PDE9A: variants seen among roughly 807,000 people sequenced by gnomAD.
The protein encoded by PDE9A is phosphodiesterase 9A.
In PDE9A, 60 loss-of-function variants were observed where a neutral mutation model predicts 87.4. The ratio of observed to expected loss-of-function variants is 0.69; its 90% CI spans 0.56 to 0.85. The LOEUF (loss-of-function observed/expected upper bound fraction) is 0.85, where lower values mean the gene tolerates loss of function less well. PDE9A is among the 40% of genes least tolerant of loss of function. PDE9A has a pLI of 0.00. For synonymous variants in PDE9A, 272 were observed against 279.4 expected (o/e 0.97, Z 0.27); for missense variants, 665 against 779.0 (o/e 0.85, Z 1.74).
At chr21:42,735,982 G>A (rs2052367348) in intron 7 of PDE9A, among the ~76,000 whole-genome samples, 2 of 152,134 alleles carry the variant, frequency 1.3e-5, no homozygotes, top group Admixed American at 1.3e-4. Context: ...AAAAAGGCTT[G>A]CTGCAGAGTC....
chr21:42,745,549 G>A (rs923466679), intron 8 of PDE9A, among the ~76,000 whole-genome samples: 2 of 152,250 alleles, frequency 1.3e-5, no homozygotes, highest in Non-Finnish European at 1.5e-5. Context: ...GGGTCCCAAG[G>A]CTGGGACCTG....
chr21:42,677,928 C>G (rs537934252), intron 1 of PDE9A, among the ~76,000 whole-genome samples: 2 of 152,332 alleles, frequency 1.3e-5, no homozygotes, highest in Non-Finnish European at 2.9e-5. Context: ...CAGGCGTGAG[C>G]CACTGAGCCC....
intron 1 of PDE9A, among the ~76,000 whole-genome samples, chr21:42,673,772 G>A (rs1004676963): frequency 1.3e-5 from 2 of 152,170 alleles, no homozygotes; most frequent in Non-Finnish European, 2.9e-5. Flanking sequence ...CCTCCTCGCT[G>A]TGTGAGGAGG....
chr21:42,760,794 G>T lies in PDE9A; in HGVS notation c.1003-31G>T. 3.9e-6 allele frequency: 5 copies of T among 1,287,548 alleles called. No individual in the cohort carries two copies. Among genetic ancestry groups the T allele is most frequent in the Non-Finnish European group, 5.7e-6 (5 of 883,670 alleles). 79.8% of individuals were successfully genotyped at this position (1,287,548 alleles called of 1,614,324 possible). On this transcript the variant is annotated intron_variant, in intron 12 of 19. Transcript: ENST00000291539. This position sits in a 1 kb window ranked among gnomAD's most constrained non-coding sequence, Gnocchi z 5.2. Reference sequence around the variant, plus strand: ...CCATCCCACCCTCCGAGTGAAGAGAGCAAACACCTACGCCCTGTTTTCCAA... The same window carrying T: ...CCATCCCACCCTCCGAGTGAAGAGATCAAACACCTACGCCCTGTTTTCCAA...
intron 1 of PDE9A, among the ~76,000 whole-genome samples, chr21:42,679,552 G>A (rs3819897): frequency 5.9e-5 from 9 of 151,846 alleles, no homozygotes; most frequent in Non-Finnish European, 1.3e-4. Flanking sequence ...GAGCTGCTGC[G>A]CCGGCCTGAG....
chr21:42,715,580 G>T (rs1239445326), intron 4 of PDE9A, among the ~76,000 whole-genome samples: 2 of 151,568 alleles, frequency 1.3e-5, no homozygotes, highest in Non-Finnish European at 2.9e-5. Flanking sequence ...TTGCATCACT[G>T]CACTCCAGCC....
intron 1 of PDE9A, among the ~76,000 whole-genome samples, chr21:42,685,198 G>A (rs1043949871): frequency 1.3e-5 from 2 of 152,210 alleles, no homozygotes; most frequent in Non-Finnish European, 2.9e-5. Context: ...CACCCTCACC[G>A]AGCTCGAAAT....
In PDE9A at chr21:42,759,539, TGTGA is replaced by T. The variant is rs1321829972; in HGVS notation, c.897+458_897+461del. On this transcript the variant is annotated intron_variant, in intron 11 of 19. Transcript: ENST00000291539. The surrounding 1 kb of genome is among the most constrained non-coding windows in gnomAD (Gnocchi z 7.2). ...GTAAATGTGTGGGAGCGTGTGTGTGTGTGAGTGTGGGGTGTGGGTGTGAGCATGG... is the reference window on the plus strand; with the variant it reads ...GTAAATGTGTGGGAGCGTGTGTGTGTGTGTGGGGTGTGGGTGTGAGCATGG... 6.6e-6 allele frequency among the ~76,000 whole-genome samples: 1 copy of T among 150,680 alleles called. No homozygotes were observed. The highest frequency in any genetic ancestry group is 2.0e-4 in the East Asian group (1 of 5,004).
chr21:42,770,561 C>T, intron 17 of PDE9A, 142 bp from the exon 18 acceptor site: 2 of 636,246 alleles, frequency 3.1e-6, no homozygotes, highest in Non-Finnish European at 5.7e-6. Flanking sequence ...TGGGTGGAGG[C>T]AGCAGAGCCG....
At chr21:42,654,919 G>A (rs2056933934) in intron 1 of PDE9A, among the ~76,000 whole-genome samples, 1 of 152,008 alleles carries the variant, frequency 6.6e-6, no homozygotes, top group South Asian at 2.1e-4. Flanking sequence ...AGGACAGGTG[G>A]TCACCCCCTT....
chr21:42,742,083 C>G (rs2053335305), intron 7 of PDE9A, among the ~76,000 whole-genome samples: 1 of 152,162 alleles, frequency 6.6e-6, no homozygotes, highest in Non-Finnish European at 1.5e-5. Context: ...GTGCAGTCAG[C>G]CAAGGGTAAA....
At chr21:42,663,374 C>A (rs1243783420) in intron 1 of PDE9A, among the ~76,000 whole-genome samples, 2 of 152,196 alleles carry the variant, frequency 1.3e-5, no homozygotes, top group Non-Finnish European at 2.9e-5. Context: ...ACAGAGAAGT[C>A]AGCAGAGCCC....
rs1191389050 is a variant in PDE9A, at chr21:42,705,141, G to A, written c.262+6130G>A. Among the ~76,000 whole-genome samples, 2 of 152,172 alleles carry A rather than the reference G, an allele frequency of 1.3e-5. No individual in the cohort carries two copies. The highest frequency in any genetic ancestry group is 4.8e-5 in the African/African-American group (2 of 41,442). On this transcript the variant is annotated intron_variant, in intron 4 of 19. Transcript: ENST00000291539. The surrounding 1 kb of genome is among the most constrained non-coding windows in gnomAD (Gnocchi z 4.3). Reference sequence around the variant, plus strand: ...AATGGCCCCGTCCACGCGAAGGTCTGTGTTCACCAAGCATCTTCTGTAGAA... The same window carrying A: ...AATGGCCCCGTCCACGCGAAGGTCTATGTTCACCAAGCATCTTCTGTAGAA...
At chr21:42,685,274 C>T (rs2059390759) in intron 1 of PDE9A, among the ~76,000 whole-genome samples, 1 of 152,258 alleles carries the variant, frequency 6.6e-6, no homozygotes, top group South Asian at 2.1e-4. Context: ...GATGCTAACC[C>T]GGCGCTTCCA....
intron 14 of PDE9A, among the ~76,000 whole-genome samples, chr21:42,762,801 T>G (rs1004592397): frequency 6.6e-6 from 1 of 152,166 alleles, no homozygotes; most frequent in African/African-American, 2.4e-5. Flanking sequence ...CAAGCAATTC[T>G]CCTGCCTCAG....
rs1216555374 is a variant in PDE9A at position 42,765,477 on chromosome 21, G to A, written c.1339G>A (p.Glu447Lys). The change falls in exon 15 of 20, where the codon GAG (glutamate) becomes AAG (lysine). Residue 447 changes from glutamate (E) to lysine (K), a missense_variant. Physicochemically the swap from Glu to Lys is moderately conservative, Grantham distance 56. Coordinates refer to ENST00000291539, the MANE Select transcript of PDE9A (RefSeq NM_002606.3). ...AATGGAGAATTTTGACTACAGCAACGAGGAGCACATGACCCTGGTGAGTGG... is the reference window on the plus strand; with the variant it reads ...AATGGAGAATTTTGACTACAGCAACAAGGAGCACATGACCCTGGTGAGTGG... ...EKMENFDYSN[E>K]EHMTLLKMIL... 5 of 1,605,316 alleles carry A rather than the reference G, an allele frequency of 3.1e-6. No individual in the cohort carries two copies. Among genetic ancestry groups the A allele is most frequent in the South Asian group, 1.1e-5 (1 of 90,770 alleles).
intron 10 of PDE9A, chr21:42,756,718 C>A (rs1044582641): frequency 2.6e-5 from 4 of 152,620 alleles, no homozygotes; most frequent in African/African-American, 9.7e-5. Flanking sequence ...GCAGGAGCCT[C>A]CCCCGTCATC....
At chr21:42,682,965 G>C (rs1056569780) in intron 1 of PDE9A, among the ~76,000 whole-genome samples, 2 of 152,200 alleles carry the variant, frequency 1.3e-5, no homozygotes, top group Admixed American at 1.3e-4. Flanking sequence ...AGGAAGGAGA[G>C]CAGATGGTGA....
Position 42,759,843 on chromosome 21 carries a change from TGTG to T in PDE9A, c.898-481_898-479del, listed in dbSNP as rs1022489035. Among the ~76,000 whole-genome samples the T allele has an allele frequency of 2.0e-5, 3 of 149,782 alleles. No individual in the cohort carries two copies. The highest frequency in any genetic ancestry group is 4.5e-5 in the Non-Finnish European group (3 of 67,376). ...TGTGTGGATGTGGGGTGTGTGAGTG[TGTG>T]GTGTGTGAGTGGGTGTGTGCATGTG... On this transcript the variant is annotated intron_variant, in intron 11 of 19. Transcript: ENST00000291539. This position sits in a 1 kb window ranked among gnomAD's most constrained non-coding sequence, Gnocchi z 7.2.
Sources: gnomAD v4.1 joint callset for allele counts (sites outside exome capture counted in the v4.1 genomes callset) on GRCh38, gnomAD v4.1.1 for gene constraint, Gnocchi (gnomAD v3.1) non-coding constraint, MANE v1.5 for transcripts, NCBI Gene and HGNC (gene_info 2026-07-23, HGNC 2026-07-21) for gene names.